The following HS3ST3B1 variants were observed in gnomAD, a reference collection of about 807,000 sequenced individuals.
HS3ST3B1 encodes heparan sulfate glucosamine 3-O-sulfotransferase 3B1.
A neutral mutation model predicts 21.3 loss-of-function variants in HS3ST3B1; 13 were observed. The observed-to-expected ratio is 0.61, with a 90% CI of 0.40 to 0.97. HS3ST3B1 has a LOEUF of 0.97. Among genes scored for constraint, HS3ST3B1 ranks in the 50% least tolerant of loss-of-function variants. The probability of loss-of-function intolerance (pLI) is 0.00; values close to 1 mark genes in which losing one functional copy is unlikely to be tolerated. For missense variants in HS3ST3B1, 459 were observed against 554.8 expected (o/e 0.83, Z 1.73); for synonymous variants, 234 against 254.8 (o/e 0.92, Z 0.78).
intron 1 of HS3ST3B1, among the ~76,000 whole-genome samples, chr17:14,302,282 C>A (rs1173991151): frequency 6.6e-6 from 1 of 152,198 alleles, no homozygotes; most frequent in Non-Finnish European, 1.5e-5. Context: ...ACAGAAAGTT[C>A]TCGCGGAGCA....
chr17:14,337,227 T>G (rs1032367791), intron 1 of HS3ST3B1, among the ~76,000 whole-genome samples: 2 of 152,172 alleles, frequency 1.3e-5, no homozygotes, highest in Non-Finnish European at 2.9e-5. Context: ...TAGTTTCCTT[T>G]CATTTGTTTT....
In HS3ST3B1 at chr17:14,301,780, C is replaced by A. The variant is rs1172719842; in HGVS notation, c.262C>A (p.Leu88Met). The A allele has an allele frequency of 6.4e-7, 1 of 1,562,956 alleles. No homozygotes were observed. The highest frequency in any genetic ancestry group is 8.7e-7 in the Non-Finnish European group (1 of 1,154,598). The change falls in exon 1 of 2, where the codon CTG (leucine) becomes ATG (methionine). Residue 88 changes from leucine to methionine, a missense_variant. Coordinates refer to ENST00000360954, the MANE Select transcript of HS3ST3B1 (RefSeq NM_006041.3). Reference protein sequence around the residue: ...ATAPDGTPPRLPFRAPPATPL... With the variant: ...ATAPDGTPPRMPFRAPPATPL... The stretch of plus-strand genomic sequence containing the variant: ...AGCTCCGGACGGGACGCCCCCCAGG[C>A]TGCCGTTCCGGGCGCCGCCAGCCAC...
intron 1 of HS3ST3B1, among the ~76,000 whole-genome samples, chr17:14,330,336 A>G (rs1909970711): frequency 6.6e-6 from 1 of 152,160 alleles, no homozygotes; most frequent in South Asian, 2.1e-4. Context: ...TGGTTATAAT[A>G]ACTTTAGAGC....
chr17:14,311,075 A>G (rs1423249526), intron 1 of HS3ST3B1, among the ~76,000 whole-genome samples: 4 of 150,396 alleles, frequency 2.7e-5, no homozygotes, highest in Non-Finnish European at 4.4e-5. Context: ...TTACTTTTTC[A>G]TTCATCTAAC....
intron 1 of HS3ST3B1, among the ~76,000 whole-genome samples, chr17:14,316,612 AC>A (rs1279476794): frequency 6.6e-6 from 1 of 152,178 alleles, no homozygotes; most frequent in Non-Finnish European, 1.5e-5. Context: ...TGATTGCTCA[AC>A]CTGGTTGTAA....
At chr17:14,316,425 T>A (rs962270095) in intron 1 of HS3ST3B1, among the ~76,000 whole-genome samples, 3 of 152,196 alleles carry the variant, frequency 2.0e-5, no homozygotes, top group Non-Finnish European at 4.4e-5. Context: ...GCAGGCTAAT[T>A]GCAGGTTCAG....
chr17:14,318,844 T>C (rs1280724535), intron 1 of HS3ST3B1, among the ~76,000 whole-genome samples: 1 of 152,246 alleles, frequency 6.6e-6, no homozygotes, highest in Non-Finnish European at 1.5e-5. Context: ...AACAAGCCCA[T>C]GACTATTTTG....
At chr17:14,342,266 T>C (rs1333821755) in intron 1 of HS3ST3B1, among the ~76,000 whole-genome samples, 2 of 152,212 alleles carry the variant, frequency 1.3e-5, no homozygotes, top group Non-Finnish European at 2.9e-5. Context: ...TCCTTTTAAT[T>C]CCTGTGCCTA....
intron 1 of HS3ST3B1, among the ~76,000 whole-genome samples, chr17:14,321,971 A>C (rs1909671190): frequency 6.6e-6 from 1 of 151,460 alleles, no homozygotes; most frequent in South Asian, 2.1e-4. Context: ...CATCATTATC[A>C]TTATCATCAT....
chr17:14,333,931 G>A (rs559730035), intron 1 of HS3ST3B1, among the ~76,000 whole-genome samples: 105 of 152,260 alleles, frequency 6.9e-4, no homozygotes, highest in Non-Finnish European at 1.1e-3. Context: ...ACCAGCTAAC[G>A]TTTCTATTTT....
At chr17:14,342,685 G>A (rs1202687839) in intron 1 of HS3ST3B1, among the ~76,000 whole-genome samples, 2 of 151,966 alleles carry the variant, frequency 1.3e-5, no homozygotes, top group Admixed American at 1.3e-4. Flanking sequence ...CCATTTTTGT[G>A]GATGAGAAAA....
At chr17:14,326,938 A>G (rs1055661940) in intron 1 of HS3ST3B1, among the ~76,000 whole-genome samples, 2 of 151,204 alleles carry the variant, frequency 1.3e-5, no homozygotes, top group African/African-American at 4.9e-5. Context: ...AAAAAAAAAA[A>G]AAAAAAAAGA....
intron 1 of HS3ST3B1, among the ~76,000 whole-genome samples, chr17:14,319,683 T>G (rs1324609919): frequency 1.3e-5 from 2 of 152,136 alleles, no homozygotes; most frequent in African/African-American, 4.8e-5. Flanking sequence ...ACAAGTAGAT[T>G]AATAAAAATA....
chr17:14,322,619 A>G (rs546222370), intron 1 of HS3ST3B1, among the ~76,000 whole-genome samples: 27 of 152,292 alleles, frequency 1.8e-4, no homozygotes, highest in Admixed American at 5.9e-4. Context: ...GGCAGATCCC[A>G]TGTGTATGTA....
At chr17:14,325,141 G>C (rs146700270) in intron 1 of HS3ST3B1, among the ~76,000 whole-genome samples, 254 of 152,320 alleles carry the variant, frequency 1.7e-3, no homozygotes, top group Non-Finnish European at 3.1e-3. Context: ...GACTGTTCTT[G>C]GTATTAAGCC....
chr17:14,337,723 C>T (rs1307408427), intron 1 of HS3ST3B1, among the ~76,000 whole-genome samples: 1 of 151,508 alleles, frequency 6.6e-6, no homozygotes, highest in East Asian at 1.9e-4. Flanking sequence ...AGGTGATCTA[C>T]AGGCAGCTGA....
intron 1 of HS3ST3B1, among the ~76,000 whole-genome samples, chr17:14,325,790 G>A (rs966750606): frequency 1.3e-5 from 2 of 152,140 alleles, no homozygotes; most frequent in Non-Finnish European, 2.9e-5. Context: ...GCTCCCTGAC[G>A]CCTAACAAAA....
At chr17:14,333,493 GAT>G (rs1910087714) in intron 1 of HS3ST3B1, among the ~76,000 whole-genome samples, 1 of 151,220 alleles carries the variant, frequency 6.6e-6, no homozygotes. Flanking sequence ...AAAAAAAACA[GAT>G]TTTGTTCAAC....
Position 14,301,959 on chromosome 17 carries a change from G to A in HS3ST3B1, c.441G>A (p.Lys147=), listed in dbSNP as rs1908947692. ...LPQAIIIGVK[K]GGTRALLEFL... ...AGGCCATCATCATCGGCGTGAAGAA[G>A]GGCGGCACGCGGGCGCTGCTGGAGT... is the stretch of plus-strand genomic sequence containing the variant. Residue 147 remains lysine, a synonymous_variant, in exon 1 of 2, where the codon AAG becomes AAA. Transcript: ENST00000360954. The A allele has an allele frequency of 3.7e-6, 6 of 1,609,552 alleles. No homozygotes were observed. The highest frequency in any genetic ancestry group is 4.2e-6 in the Non-Finnish European group (5 of 1,178,582).
Sources: allele counts gnomAD v4.1 joint callset (sites outside exome capture counted in the v4.1 genomes callset), GRCh38; gene constraint gnomAD v4.1.1; transcripts MANE v1.5; gene names NCBI Gene and HGNC (gene_info 2026-07-23, HGNC 2026-07-21).